Variants in ALDH1A2 observed in about 807,000 individuals in gnomAD.
The protein encoded by ALDH1A2 is retinal dehydrogenase 2.
In ALDH1A2, 27 loss-of-function variants were observed where a neutral mutation model predicts 60.3. The ratio of observed to expected loss-of-function variants is 0.45; its 90% CI spans 0.33 to 0.62. The LOEUF is 0.62. ALDH1A2 is among the 20% of genes least tolerant of loss of function. ALDH1A2 has a pLI of 0.02. For missense variants in ALDH1A2, 581 were observed against 643.8 expected, an observed-to-expected ratio of 0.90 and a Z score of 1.06; for synonymous variants, 289 against 232.4, an observed-to-expected ratio of 1.24 and a Z score of -2.21.
intron 7 of ALDH1A2, among the ~76,000 whole-genome samples, chr15:57,975,197 G>C (rs1894206965): frequency 6.7e-6 from 1 of 148,478 alleles, no homozygotes; most frequent in African/African-American, 2.4e-5. Flanking sequence ...TCCATTCCTA[G>C]GTATTTACCT....
intron 5 of ALDH1A2, among the ~76,000 whole-genome samples, chr15:57,994,337 G>T (rs1375070542): frequency 2.0e-5 from 3 of 152,138 alleles, no homozygotes; most frequent in African/African-American, 7.2e-5. Flanking sequence ...CAATGCCAAA[G>T]ATTATCTTGA....
At chr15:57,992,186 A>T (rs1232378658) in intron 7 of ALDH1A2, among the ~76,000 whole-genome samples, 1 of 152,214 alleles carries the variant, frequency 6.6e-6, no homozygotes, top group Non-Finnish European at 1.5e-5. Context: ...ATACTATGGC[A>T]TGGCTGAGTA....
At position 57,992,687 on chromosome 15, in the gene ALDH1A2, G is replaced by A; in HGVS notation, c.798+18C>T. 1.2e-6 allele frequency: 2 copies of A among 1,608,530 alleles called. No homozygotes were observed. Among genetic ancestry groups the A allele is most frequent in the Non-Finnish European group, 1.7e-6 (2 of 1,175,032 alleles). On this transcript the variant is annotated intron_variant, in intron 7 of 12. Transcript: ENST00000249750. ...TTTGCAAGACTGTTCCTCAAGCCCT[G>A]GTTTTTCAGATACCTACCTCAGTAG...
At chr15:58,022,230 G>A (rs1309840745) in intron 1 of ALDH1A2, among the ~76,000 whole-genome samples, 1 of 152,094 alleles carries the variant, frequency 6.6e-6, no homozygotes, top group Non-Finnish European at 1.5e-5. Flanking sequence ...CATAGATTGA[G>A]GTCCTGGAGA....
chr15:58,004,987 A>G (rs1895402617), intron 4 of ALDH1A2, among the ~76,000 whole-genome samples: 1 of 151,774 alleles, frequency 6.6e-6, no homozygotes, highest in Admixed American at 6.6e-5. Context: ...TGCAATTCCT[A>G]AAATGTAATT....
intron 1 of ALDH1A2, among the ~76,000 whole-genome samples, chr15:58,028,051 C>A (rs557158370): frequency 5.1e-4 from 78 of 152,200 alleles, no homozygotes; most frequent in African/African-American, 1.9e-3. Context: ...ACAGAGACCA[C>A]CACAAAGATA....
chr15:58,055,916 C>A (rs1896884052), intron 1 of ALDH1A2, among the ~76,000 whole-genome samples: 2 of 151,138 alleles, frequency 1.3e-5, no homozygotes, highest in Admixed American at 6.6e-5. Context: ...TTTAGAAATT[C>A]TTTTTAAATT....
chr15:58,000,388 T>C (rs6493972), intron 4 of ALDH1A2, among the ~76,000 whole-genome samples: 136,738 of 151,866 alleles, frequency 0.9, 62,456 homozygotes, highest in East Asian at 1. Context: ...TACTATGAAT[T>C]CCACTGAACT....
intron 12 of ALDH1A2, among the ~76,000 whole-genome samples, chr15:57,960,560 A>AT (rs1269447147): frequency 6.6e-6 from 1 of 152,088 alleles, no homozygotes; most frequent in Non-Finnish European, 1.5e-5. Flanking sequence ...TGGTACATTA[A>AT]TTTTTTCCAT....
Position 58,044,223 on chromosome 15 carries a change from G to A in ALDH1A2, c.117+21311C>T, listed in dbSNP as rs140980922. On this transcript the variant is annotated intron_variant, in intron 1 of 12. Coordinates refer to ENST00000249750, the MANE Select transcript of ALDH1A2 (RefSeq NM_003888.4). ...GTTACCTAGGTATACATGTGCCATG[G>A]TGGTTTGCTGCACCTATCAACCTGT... Among the ~76,000 whole-genome samples the A allele has an allele frequency of 2.8e-3, 423 of 151,944 alleles. 1 individual carries two copies. The highest frequency in any genetic ancestry group is 9.7e-3 in the African/African-American group (403 of 41,464).
At chr15:58,025,120 T>G (rs1048743762) in intron 1 of ALDH1A2, among the ~76,000 whole-genome samples, 1 of 151,906 alleles carries the variant, frequency 6.6e-6, no homozygotes, top group African/African-American at 2.4e-5. Flanking sequence ...CAATGTACCT[T>G]GAGAAACTAG....
At chr15:58,057,176 A>G (rs1896918151) in intron 1 of ALDH1A2, among the ~76,000 whole-genome samples, 1 of 152,154 alleles carries the variant, frequency 6.6e-6, no homozygotes, top group African/African-American at 2.4e-5. Flanking sequence ...ATAAATGTCA[A>G]GAGCAGAAAC....
intron 8 of ALDH1A2, chr15:57,964,819 T>A (rs983083746): frequency 1.3e-5 from 2 of 152,300 alleles, no homozygotes; most frequent in East Asian, 3.9e-4. Context: ...TCAGTCAATG[T>A]TAGGGAGATG....
Position 57,961,169 on chromosome 15 carries a change from T to C in ALDH1A2, c.1377A>G (p.Thr459=). 6.2e-7 allele frequency: 1 copy of C among 1,614,164 alleles called. No homozygotes were observed. The highest frequency in any genetic ancestry group is 8.5e-7 in the Non-Finnish European group (1 of 1,180,014). The change falls in exon 11 of 13, where the codon ACA becomes ACG. Residue 459 remains threonine, a synonymous_variant. Coordinates refer to ENST00000249750, the MANE Select transcript of ALDH1A2 (RefSeq NM_003888.4). ...VFTNDINKAL[T]VSSAMQAGTV... ...TCCCAGCTTGCATTGCAGAAGACAC[T>C]GTGAGGGCCTTGTTGATGTCATTAG...
intron 1 of ALDH1A2, among the ~76,000 whole-genome samples, chr15:58,021,484 C>A (rs1264365156): frequency 1.3e-5 from 2 of 152,308 alleles, no homozygotes; most frequent in Non-Finnish European, 2.9e-5. Context: ...AACATCCCCA[C>A]CGTGGAATTG....
intron 1 of ALDH1A2, among the ~76,000 whole-genome samples, chr15:58,025,926 G>A (rs779280411): frequency 2.6e-5 from 4 of 152,154 alleles, no homozygotes; most frequent in Non-Finnish European, 5.9e-5. Flanking sequence ...CTCAGAGAGT[G>A]CACCAAGCCA....
At chr15:58,015,954 C>T (rs1262709313) in intron 1 of ALDH1A2, among the ~76,000 whole-genome samples, 1 of 152,082 alleles carries the variant, frequency 6.6e-6, no homozygotes, top group African/African-American at 2.4e-5. Flanking sequence ...CCTTTGAACA[C>T]AGTATAAAGT....
intron 1 of ALDH1A2, among the ~76,000 whole-genome samples, chr15:58,025,382 A>C (rs1357697574): frequency 6.6e-6 from 1 of 152,204 alleles, no homozygotes; most frequent in Non-Finnish European, 1.5e-5. Flanking sequence ...ATCTCTGAAG[A>C]ACTACACATT....
At chr15:58,054,283 G>C (rs1896843765) in intron 1 of ALDH1A2, among the ~76,000 whole-genome samples, 1 of 152,132 alleles carries the variant, frequency 6.6e-6, no homozygotes, top group Non-Finnish European at 1.5e-5. Flanking sequence ...AAGTAAAAAA[G>C]ATCTGTTCTC....
Sources: allele counts gnomAD v4.1 joint callset (sites outside exome capture counted in the v4.1 genomes callset), GRCh38; gene constraint gnomAD v4.1.1; transcripts MANE v1.5; gene names NCBI Gene and HGNC (gene_info 2026-07-23, HGNC 2026-07-21).